Variants in DNAH11 observed in about 807,000 individuals in gnomAD.
DNAH11 encodes dynein axonemal heavy chain 11.
In DNAH11, 442 loss-of-function variants were observed where a neutral mutation model predicts 526.0. The observed-to-expected ratio is 0.84, with a 90% CI of 0.78 to 0.91. The LOEUF (loss-of-function observed/expected upper bound fraction) is 0.91. DNAH11 is among the 40% of genes least tolerant of loss of function. DNAH11 has a pLI of 0.00. For missense variants in DNAH11, 6,989 were observed against 5,448.7 expected (o/e 1.28, Z -8.90); for synonymous variants, 2,461 against 1,935.9 (o/e 1.27, Z -7.12).
In DNAH11 at chr7:21,724,770, A is replaced by T. The variant is rs4990334; in HGVS notation, c.7267-1041A>T. 8.0e-5 allele frequency among the ~76,000 whole-genome samples: 9 copies of T among 112,464 alleles called. 2 individuals are homozygous for T. In the East Asian group the frequency reaches 8.3e-4, roughly 10 times the overall value. 73.8% of individuals were successfully genotyped at this position (112,464 alleles called of 152,430 possible). On this transcript the variant is annotated intron_variant, in intron 44 of 81. Coordinates refer to ENST00000409508, the MANE Select transcript of DNAH11 (RefSeq NM_001277115.2). ...CACTGGGCCAGGTCATCCTATGAAT[A>T]TAGGAGTCACTGGGCCAGGTCATCC...
chr7:21,853,065 CGA>C (rs1782703111), intron 67 of DNAH11, among the ~76,000 whole-genome samples: 1 of 151,804 alleles, frequency 6.6e-6, no homozygotes, highest in East Asian at 1.9e-4. Flanking sequence ...GGCAGGATAC[CGA>C]GCAAAGGATA....
At chr7:21,878,804 T>C (rs1225866407) in intron 74 of DNAH11, among the ~76,000 whole-genome samples, 2 of 152,182 alleles carry the variant, frequency 1.3e-5, no homozygotes, top group Admixed American at 6.5e-5. Context: ...ACAAGTCCTC[T>C]GGAAGACTAG....
intron 63 of DNAH11, among the ~76,000 whole-genome samples, chr7:21,811,244 C>T (rs937887750): frequency 6.6e-6 from 1 of 152,036 alleles, no homozygotes; most frequent in Non-Finnish European, 1.5e-5. Flanking sequence ...GGGCAGATCA[C>T]TTGAGGTCAG....
intron 9 of DNAH11, 110 bp downstream of exon 9, chr7:21,582,131 C>A (rs1291241807): frequency 3.0e-6 from 2 of 658,630 alleles, no homozygotes; most frequent in South Asian, 1.9e-5. Flanking sequence ...GTTAACTAGT[C>A]ATATTCCCTT....
At chr7:21,689,716 A>G (rs1378173882) in intron 34 of DNAH11, among the ~76,000 whole-genome samples, 1 of 152,128 alleles carries the variant, frequency 6.6e-6, no homozygotes, top group Admixed American at 6.5e-5. Flanking sequence ...GCTCCTAATT[A>G]CCTAGTGTCT....
In DNAH11 at chr7:21,854,472, T is replaced by C. The variant is rs1235757141; in HGVS notation, c.11202+17T>C. 2 of 1,608,636 alleles carry C rather than the reference T, an allele frequency of 1.2e-6. No homozygotes were observed. On this transcript the variant is annotated intron_variant, in intron 68 of 81. Transcript: ENST00000409508. ...TCTTTGAAGGTAATGCTGAATGAGC[T>C]AAGAAATATGGGAAACTTTAGGAGT...
At chr7:21,826,293 A>G (rs1301530133) in intron 65 of DNAH11, among the ~76,000 whole-genome samples, 1 of 152,096 alleles carries the variant, frequency 6.6e-6, no homozygotes, top group Non-Finnish European at 1.5e-5. Flanking sequence ...ACTCTTTAAA[A>G]GAAAGGAGAG....
At chr7:21,693,891 T>C (rs1042316341) in intron 35 of DNAH11, among the ~76,000 whole-genome samples, 5 of 152,172 alleles carry the variant, frequency 3.3e-5, no homozygotes, top group Non-Finnish European at 5.9e-5. Context: ...AAACTTACAC[T>C]GATGGCAGAA....
At chr7:21,867,187 T>C (rs1783314391) in intron 71 of DNAH11, among the ~76,000 whole-genome samples, 1 of 152,232 alleles carries the variant, frequency 6.6e-6, no homozygotes, top group Non-Finnish European at 1.5e-5. Flanking sequence ...TAAATGGTAA[T>C]GTGCTGCTTA....
At chr7:21,732,152 G>A (rs1401780184) in intron 45 of DNAH11, among the ~76,000 whole-genome samples, 3 of 152,172 alleles carry the variant, frequency 2.0e-5, no homozygotes, top group Non-Finnish European at 4.4e-5. Flanking sequence ...TTCAACCACA[G>A]AAGTTTCTTT....
intron 76 of DNAH11, among the ~76,000 whole-genome samples, chr7:21,891,066 C>T (rs1583817019): frequency 6.7e-6 from 1 of 148,478 alleles, no homozygotes; most frequent in East Asian, 2.2e-4. Flanking sequence ...CACTGTTACA[C>T]ACATGATTGT....
chr7:21,863,219 A>C lies in DNAH11; in HGVS notation c.11373+1196A>C, dbSNP rs1047287624. 2.6e-5 allele frequency among the ~76,000 whole-genome samples: 4 copies of C among 152,236 alleles called. No homozygotes were observed. The East Asian group carries it at 7.7e-4, about 29-fold the overall frequency. ...CTATCCAAATGTTAAGGAAAGGTCT[A>C]TGTCTTACCTATTCTGTGTGTGCCA... is the stretch of plus-strand genomic sequence containing the variant. On this transcript the variant is annotated intron_variant, in intron 69 of 81. Transcript: ENST00000409508.
In DNAH11 at chr7:21,704,775, G is replaced by T. The variant is rs76545362; in HGVS notation, c.6468+147G>T. On this transcript the variant is annotated intron_variant, in intron 38 of 81. Coordinates refer to ENST00000409508, the MANE Select transcript of DNAH11 (RefSeq NM_001277115.2). The stretch of plus-strand genomic sequence containing the variant: ...GCTTTCAAGCATTTTCATATGGCAG[G>T]ATTAAGTAAACATAAGTAAACATTT... The T allele has an allele frequency of 5.4e-3, 4,754 of 882,130 alleles. 147 individuals carry two copies. The African/African-American group carries it at 0.067, about 12-fold the overall frequency. 54.6% of individuals were successfully genotyped at this position (882,130 alleles called of 1,614,324 possible). A position where few individuals can be genotyped will look rare whatever the true frequency, so the allele number is the denominator to read the frequency against.
chr7:21,731,667 C>T (rs987434529), intron 45 of DNAH11, among the ~76,000 whole-genome samples: 6 of 152,172 alleles, frequency 3.9e-5, no homozygotes, highest in African/African-American at 9.7e-5. Context: ...TTGGTTTGGT[C>T]AACATTGGTC....
chr7:21,738,614 A>C (rs1785724864), intron 46 of DNAH11, 87 bp from the exon 47 acceptor site: 2 of 1,360,998 alleles, frequency 1.5e-6, no homozygotes, highest in Admixed American at 2.6e-5. Context: ...GATGAAATCG[A>C]CAGAAGAAGT....
chr7:21,645,106 T>C (rs936966481), intron 28 of DNAH11, among the ~76,000 whole-genome samples: 1 of 152,232 alleles, frequency 6.6e-6, no homozygotes, highest in African/African-American at 2.4e-5. Flanking sequence ...GAGATTAAAG[T>C]AAAATATCAC....
chr7:21,771,619 G>C lies in DNAH11; in HGVS notation c.9103-2147G>C, dbSNP rs1342097366. On this transcript the variant is annotated intron_variant, in intron 55 of 81. Coordinates refer to ENST00000409508, the MANE Select transcript of DNAH11 (RefSeq NM_001277115.2). ...CAGAGCATCTTAGTGGGGAAACCTT[G>C]AGTTTATAACCATTCGATACTGGCA... 2.0e-5 allele frequency among the ~76,000 whole-genome samples: 3 copies of C among 152,100 alleles called. No individual in the cohort carries two copies. The East Asian group carries it at 5.8e-4, about 29-fold the overall frequency.
chr7:21,676,315 G>A (rs1005097981), intron 30 of DNAH11, among the ~76,000 whole-genome samples: 4 of 152,068 alleles, frequency 2.6e-5, no homozygotes, highest in Admixed American at 2.6e-4. Context: ...TGCGATCAGT[G>A]GCAAGAATAT....
At chr7:21,576,953 CA>C (rs1024299567) in intron 8 of DNAH11, among the ~76,000 whole-genome samples, 5 of 151,412 alleles carry the variant, frequency 3.3e-5, no homozygotes, top group Non-Finnish European at 7.4e-5. Flanking sequence ...AAAAACAAAA[CA>C]AAAAAAACAC....
Sources: allele counts gnomAD v4.1 joint callset (sites outside exome capture counted in the v4.1 genomes callset), GRCh38; gene constraint gnomAD v4.1.1; transcripts MANE v1.5; gene names NCBI Gene and HGNC (gene_info 2026-07-23, HGNC 2026-07-21).